TCERG1L: variants seen among roughly 807,000 people sequenced by gnomAD.
TCERG1L encodes transcription elongation regulator 1-like protein.
Under a neutral mutation model 56.3 loss-of-function variants are expected in TCERG1L, and 37 were observed. The ratio of observed to expected loss-of-function variants is 0.66; its 90% CI spans 0.51 to 0.87. TCERG1L has a LOEUF of 0.87. Among genes scored for constraint, TCERG1L ranks in the 40% least tolerant of loss-of-function variants. The probability of loss-of-function intolerance (pLI) is 0.00; values close to 1 mark genes in which losing one functional copy is unlikely to be tolerated. For synonymous variants in TCERG1L, 324 were observed against 326.3 expected, an observed-to-expected ratio of 0.99 and a Z score of 0.08; for missense variants, 799 against 774.2, an observed-to-expected ratio of 1.03 and a Z score of -0.38.
chr10:131,272,504 T>C (rs181635140), intron 3 of TCERG1L, among the ~76,000 whole-genome samples: 1 of 151,966 alleles, frequency 6.6e-6, no homozygotes, highest in South Asian at 2.1e-4. Flanking sequence ...CCATGTTAGG[T>C]GTTTGAGTAT....
chr10:131,279,238 T>C (rs959806788), intron 3 of TCERG1L, among the ~76,000 whole-genome samples: 2 of 151,664 alleles, frequency 1.3e-5, no homozygotes, highest in African/African-American at 4.8e-5. Context: ...GCTCTAAACA[T>C]GGGTTGACTT....
At chr10:131,204,040 T>G (rs545890516) in intron 4 of TCERG1L, among the ~76,000 whole-genome samples, 1 of 152,180 alleles carries the variant, frequency 6.6e-6, no homozygotes, top group Non-Finnish European at 1.5e-5. Flanking sequence ...AGAGCCCTCA[T>G]GGATGGAATG....
chr10:131,180,307 G>A (rs1192875208), intron 4 of TCERG1L, among the ~76,000 whole-genome samples: 1 of 152,238 alleles, frequency 6.6e-6, no homozygotes, highest in Non-Finnish European at 1.5e-5. Flanking sequence ...CAGGAGCGAG[G>A]CCAGCTCAGG....
chr10:131,255,039 G>C (rs1334639981), intron 4 of TCERG1L, among the ~76,000 whole-genome samples: 1 of 152,146 alleles, frequency 6.6e-6, no homozygotes, highest in Non-Finnish European at 1.5e-5. Flanking sequence ...TGTGGGAGAG[G>C]AGGCACCAGG....
At chr10:131,161,873 C>T (rs1589732703) in intron 6 of TCERG1L, 1 of 152,456 alleles carries the variant, frequency 6.6e-6, no homozygotes, top group Non-Finnish European at 1.5e-5. Context: ...GGCCCAGAAG[C>T]TCAGTCAGGT....
chr10:131,132,364 T>A (rs1845627273), intron 8 of TCERG1L, among the ~76,000 whole-genome samples: 1 of 152,352 alleles, frequency 6.6e-6, no homozygotes, highest in East Asian at 1.9e-4. Context: ...CATCCGTGCA[T>A]GTTTCAAAGT....
At chr10:131,216,685 C>T (rs2133493786) in intron 4 of TCERG1L, among the ~76,000 whole-genome samples, 1 of 152,302 alleles carries the variant, frequency 6.6e-6, no homozygotes, top group Admixed American at 6.5e-5. Flanking sequence ...TAAGAATCAG[C>T]CCAGGACAGC....
At chr10:131,206,974 A>G (rs1327756878) in intron 4 of TCERG1L, among the ~76,000 whole-genome samples, 1 of 152,128 alleles carries the variant, frequency 6.6e-6, no homozygotes. Context: ...CTAATTCTCA[A>G]ATAGGCCTTT....
At position 131,247,668 on chromosome 10, in the gene TCERG1L, G is replaced by A. The variant is rs1015988885; in HGVS notation, c.856+12591C>T. 2.0e-5 allele frequency among the ~76,000 whole-genome samples: 3 copies of A among 152,124 alleles called. No homozygotes were observed. In the East Asian group the frequency reaches 5.8e-4, roughly 29 times the overall value. On this transcript the variant is annotated intron_variant, in intron 4 of 11. Transcript: ENST00000368642. Reference sequence around the variant, plus strand: ...GGCAGCACACCCAAGAGATTTTAGAGGAGATGAACTTTCCCTTCTCTGTCC... The same window carrying A: ...GGCAGCACACCCAAGAGATTTTAGAAGAGATGAACTTTCCCTTCTCTGTCC...
At position 131,134,544 on chromosome 10, in the gene TCERG1L, G is replaced by A. The variant is rs1002268040; in HGVS notation, c.1190-96C>T. ...ACTCACTTTCAAGTAGACTTATCTA[G>A]AAATTAAGACAACAGGCTTCTCTTA... On this transcript the variant is annotated intron_variant, in intron 7 of 11. Transcript: ENST00000368642. 7.3e-5 allele frequency: 66 copies of A among 901,168 alleles called. 1 individual carries two copies. The South Asian group carries it at 9.7e-4, about 13-fold the overall frequency. 55.8% of individuals were successfully genotyped at this position (901,168 alleles called of 1,614,324 possible).
chr10:131,134,532 T>A, intron 7 of TCERG1L, 84 bp from the exon 8 acceptor site: 1 of 977,884 alleles, frequency 1.0e-6, no homozygotes, highest in Non-Finnish European at 1.6e-6. Context: ...CACTTTCAAG[T>A]AGACTTATCT....
At chr10:131,127,024 G>A (rs1478667619) in intron 8 of TCERG1L, among the ~76,000 whole-genome samples, 1 of 152,138 alleles carries the variant, frequency 6.6e-6, no homozygotes, top group Non-Finnish European at 1.5e-5. Context: ...TCTACTTGCT[G>A]CCTCCAGGTG....
At chr10:131,205,455 C>CT (rs1845510875) in intron 4 of TCERG1L, among the ~76,000 whole-genome samples, 3 of 151,958 alleles carry the variant, frequency 2.0e-5, no homozygotes, top group Non-Finnish European at 4.4e-5. Flanking sequence ...CATGAAACTA[C>CT]ATTAGATGTG....
intron 4 of TCERG1L, among the ~76,000 whole-genome samples, chr10:131,200,935 T>TC (rs1845426473): frequency 6.6e-6 from 1 of 152,158 alleles, no homozygotes; most frequent in East Asian, 1.9e-4. Context: ...CTCGCACGGT[T>TC]ATCTCCCACT....
At chr10:131,095,196 C>T (rs531503081) in intron 11 of TCERG1L, 23 of 152,688 alleles carry the variant, frequency 1.5e-4, no homozygotes, top group Admixed American at 9.9e-4. Flanking sequence ...CCAACCCCAC[C>T]GGGTGTCAAC....
intron 7 of TCERG1L, among the ~76,000 whole-genome samples, chr10:131,145,221 A>G (rs1342225180): frequency 6.6e-6 from 1 of 152,190 alleles, no homozygotes; most frequent in Non-Finnish European, 1.5e-5. Context: ...TGATTTCCCT[A>G]AACTGTGCAC....
chr10:131,215,023 G>A (rs962062371), intron 4 of TCERG1L, among the ~76,000 whole-genome samples: 1 of 152,198 alleles, frequency 6.6e-6, no homozygotes, highest in African/African-American at 2.4e-5. Context: ...GAGCTAGGCT[G>A]GGCGGTTCCC....
intron 3 of TCERG1L, among the ~76,000 whole-genome samples, chr10:131,288,711 T>A (rs1846574120): frequency 6.6e-6 from 1 of 152,080 alleles, no homozygotes; most frequent in South Asian, 2.1e-4. Flanking sequence ...AGTGTCCTTG[T>A]AAGAAAAAGA....
chr10:131,249,300 C>G (rs534029624), intron 4 of TCERG1L, among the ~76,000 whole-genome samples: 1 of 152,248 alleles, frequency 6.6e-6, no homozygotes, highest in Non-Finnish European at 1.5e-5. Context: ...AAAGGGAATA[C>G]AGCAAGCTCT....
Sources: gnomAD v4.1 joint callset for allele counts (sites outside exome capture counted in the v4.1 genomes callset) on GRCh38, gnomAD v4.1.1 for gene constraint, MANE v1.5 for transcripts, NCBI Gene and HGNC (gene_info 2026-07-23, HGNC 2026-07-21) for gene names.